OR5H1: variants seen among roughly 807,000 people sequenced by gnomAD.
The protein encoded by OR5H1 is olfactory receptor 5H1.
For missense variants in OR5H1, 378 were observed against 366.8 expected (o/e 1.03, Z -0.25); for synonymous variants, 124 against 134.4 (o/e 0.92, Z 0.54).
Position 98,133,141 on chromosome 3 carries a change from A to T in OR5H1, c.444A>T (p.Ser148=), listed in dbSNP as rs1363359389. The T allele has an allele frequency of 1.9e-6, 3 of 1,613,260 alleles. No homozygotes were observed. The highest frequency in any genetic ancestry group is 1.7e-6 in the Non-Finnish European group (2 of 1,179,700). ...NGLCIRLLIL[S]YVGGILHALI... is the part of the protein sequence containing the mutation. ...TGTGCATCCGGCTATTAATCTTGTC[A>T]TATGTAGGTGGTATTCTTCATGCTT... is the stretch of plus-strand genomic sequence containing the variant. The change falls in exon 2 of 2, where the codon TCA becomes TCT. Residue 148 remains serine, a synonymous_variant. Coordinates refer to ENST00000641874, the MANE Select transcript of OR5H1 (RefSeq NM_001005338.2).
In OR5H1 at chr3:98,136,205, C is replaced by A. The variant is rs1708316194; in HGVS notation, c.*2566C>A. ...TCTTTCAAATGTAATTATAGTAAGA[C>A]TAATTTATTTACCAACTAGATCTAC... On this transcript the variant is annotated 3_prime_UTR_variant, in exon 2 of 2. Coordinates refer to ENST00000641874, the MANE Select transcript of OR5H1 (RefSeq NM_001005338.2). 1 of 151,510 alleles carries A rather than the reference C, an allele frequency of 6.6e-6. No individual in the cohort carries two copies. Among genetic ancestry groups the A allele is most frequent in the Non-Finnish European group, 1.5e-5 (1 of 67,900 alleles). The allele number at this position is 151,510 out of a possible 1,614,324, so 9.4% of individuals were successfully genotyped here. A position where few individuals can be genotyped will look rare whatever the true frequency, so the allele number is the denominator to read the frequency against.
intron 1 of OR5H1, among the ~76,000 whole-genome samples, chr3:98,132,012 AT>A (rs1458043201): frequency 6.6e-6 from 1 of 152,000 alleles, no homozygotes; most frequent in Non-Finnish European, 1.5e-5. Context: ...ATGCATTTGA[AT>A]CCCCCGGAGG....
rs1292699716 is a variant in OR5H1, at chr3:98,135,111, G to A, written c.*1472G>A. ...ATTTAGAGTTTATCTGAGGAGACTC[G>A]ATTTATTTTGCAACACCAGATTGCA... On this transcript the variant is annotated 3_prime_UTR_variant, in exon 2 of 2. Coordinates refer to ENST00000641874, the MANE Select transcript of OR5H1 (RefSeq NM_001005338.2). 1 of 152,068 alleles carries A rather than the reference G, an allele frequency of 6.6e-6. No individual in the cohort carries two copies. The highest frequency in any genetic ancestry group is 1.5e-5 in the Non-Finnish European group (1 of 67,982). 9.4% of individuals were successfully genotyped at this position (152,068 alleles called of 1,614,324 possible). A position where few individuals can be genotyped will look rare whatever the true frequency, so the allele number is the denominator to read the frequency against.
chr3:98,134,097 T>A lies in OR5H1; in HGVS notation c.*458T>A, dbSNP rs528829786. On this transcript the variant is annotated 3_prime_UTR_variant, in exon 2 of 2. Coordinates refer to ENST00000641874, the MANE Select transcript of OR5H1 (RefSeq NM_001005338.2). ...ATCAAGGTCTTCCATTTCATTATATTAGGAAAGGGTGAATTCTGTTTCTTG... is the reference window on the plus strand; with the variant it reads ...ATCAAGGTCTTCCATTTCATTATATAAGGAAAGGGTGAATTCTGTTTCTTG... 394 of 159,022 alleles carry A rather than the reference T, an allele frequency of 2.5e-3. 2 individuals are homozygous for A. The highest frequency in any genetic ancestry group is 9.0e-3 in the African/African-American group (374 of 41,550). 9.9% of individuals were successfully genotyped at this position (159,022 alleles called of 1,614,324 possible).
rs1453782462 is a variant in OR5H1 at position 98,133,698 on chromosome 3, T to C, written c.*59T>C. 2.9e-6 allele frequency: 4 copies of C among 1,389,902 alleles called. No homozygotes were observed. In the South Asian group the frequency reaches 3.7e-5, roughly 13 times the overall value. The allele number at this position is 1,389,902 out of a possible 1,614,324, so 86.1% of individuals were successfully genotyped here. A position where few individuals can be genotyped will look rare whatever the true frequency, so the allele number is the denominator to read the frequency against. The stretch of plus-strand genomic sequence containing the variant: ...ATTATGCAAGTTAGAGGTACCTATG[T>C]TGTTTCCAGTGTTCAAACATTTTTG... On this transcript the variant is annotated 3_prime_UTR_variant, in exon 2 of 2. Transcript: ENST00000641874.
At position 98,133,015 on chromosome 3, in the gene OR5H1, C is replaced by T. The variant is rs1708274506; in HGVS notation, c.318C>T (p.Ile106=). The part of the protein sequence containing the change: ...ECKIQFFSFA[I]SVTTECFLLA... The stretch of plus-strand genomic sequence containing the variant: ...AGATACAGTTTTTTTCGTTTGCAAT[C>T]AGTGTAACCACGGAATGTTTTCTCT... Residue 106 remains isoleucine, a synonymous_variant, in exon 2 of 2, where the codon ATC becomes ATT. Transcript: ENST00000641874. 6.2e-7 allele frequency: 1 copy of T among 1,613,448 alleles called. No individual in the cohort carries two copies. The highest frequency in any genetic ancestry group is 1.3e-5 in the African/African-American group (1 of 74,820).
In OR5H1 at chr3:98,137,676, T is replaced by C. The variant is rs1374969094; in HGVS notation, c.*4037T>C. On this transcript the variant is annotated 3_prime_UTR_variant, in exon 2 of 2. Coordinates refer to ENST00000641874, the MANE Select transcript of OR5H1 (RefSeq NM_001005338.2). ...TAATAAGAAGTCCAAAATAGAGAAG[T>C]GTATGTTCAGCAATTAGTCTTTTAA... The C allele has an allele frequency of 6.6e-6, 1 of 152,146 alleles. No homozygotes were observed. Among genetic ancestry groups the C allele is most frequent in the East Asian group, 1.9e-4 (1 of 5,192 alleles). The allele number at this position is 152,146 out of a possible 1,614,324, so 9.4% of individuals were successfully genotyped here.
chr3:98,132,119 T>C (rs1417798383), intron 1 of OR5H1, among the ~76,000 whole-genome samples: 1 of 152,004 alleles, frequency 6.6e-6, no homozygotes, highest in African/African-American at 2.4e-5. Flanking sequence ...ACTCAGATAA[T>C]TTTTATGTGT....
In OR5H1 at chr3:98,133,878, A is replaced by C; in HGVS notation, c.*239A>C. On this transcript the variant is annotated 3_prime_UTR_variant, in exon 2 of 2. Coordinates refer to ENST00000641874, the MANE Select transcript of OR5H1 (RefSeq NM_001005338.2). ...TAGAAATCAAATAAAACTATTTAAC[A>C]GTTGTATATGTTATTCAATGTGCAT... is the stretch of plus-strand genomic sequence containing the variant. 1 of 411,500 alleles carries C rather than the reference A, an allele frequency of 2.4e-6. No homozygotes were observed. Among genetic ancestry groups the C allele is most frequent in the South Asian group, 3.1e-5 (1 of 32,386 alleles). The allele number at this position is 411,500 out of a possible 1,614,324, so 25.5% of individuals were successfully genotyped here.
In OR5H1 at chr3:98,133,178, G is replaced by T; in HGVS notation, c.481G>T (p.Gly161Ter). Residue 161 changes from glycine to a stop codon, truncating the protein, a stop_gained, in exon 2 of 2, where the codon GGA becomes TGA. Transcript: ENST00000641874. LOFTEE classifies it low-confidence loss of function (END_TRUNC). ...GGILHALIHEGFLFRLTFCNS... is the reference protein window; with the variant it reads ...GGILHALIHE ...TATTCTTCATGCTTTAATCCATGAA[G>T]GATTTTTATTCAGACTAACCTTCTG... is the stretch of plus-strand genomic sequence containing the variant. The T allele has an allele frequency of 1.2e-6, 2 of 1,613,000 alleles. No individual in the cohort carries two copies. Among genetic ancestry groups the T allele is most frequent in the Non-Finnish European group, 1.7e-6 (2 of 1,179,572 alleles).
rs762148086 is a variant in OR5H1 at position 98,132,804 on chromosome 3, T to C, written c.107T>C (p.Leu36Pro). The change falls in exon 2 of 2, where the codon CTC becomes CCC. Residue 36 changes from leucine to proline, a missense_variant. Physicochemically the swap from Leu to Pro is moderately conservative, Grantham distance 98. Transcript: ENST00000641874. The part of the protein sequence containing the change: ...PLFLAFLVIY[L>P]ITIMGNLGLI... ...TTCCTGGCATTCTTGGTAATATATC[T>C]CATCACCATCATGGGGAATCTTGGT... 3 of 1,613,398 alleles carry C rather than the reference T, an allele frequency of 1.9e-6. No homozygotes were observed. The highest frequency in any genetic ancestry group is 2.7e-5 in the African/African-American group (2 of 74,860).
rs1193358642 is a variant in OR5H1 at position 98,137,365 on chromosome 3, A to G, written c.*3726A>G. Reference sequence around the variant, plus strand: ...TTTTCCGCAAATCTGTTGAGATTAGACAGATACTTTGCATACAGGGATGTT... The same window carrying G: ...TTTTCCGCAAATCTGTTGAGATTAGGCAGATACTTTGCATACAGGGATGTT... On this transcript the variant is annotated 3_prime_UTR_variant, in exon 2 of 2. Transcript: ENST00000641874. 2 of 152,200 alleles carry G rather than the reference A, an allele frequency of 1.3e-5. No individual in the cohort carries two copies. The highest frequency in any genetic ancestry group is 2.9e-5 in the Non-Finnish European group (2 of 68,032). The allele number at this position is 152,200 out of a possible 1,614,324, so 9.4% of individuals were successfully genotyped here.
rs999611678 is a variant in OR5H1 at position 98,135,567 on chromosome 3, T to A, written c.*1928T>A. ...GTCTGGTCTCTTACAGAAGTGTTTC[T>A]TTTATGGACACTTCGTTTTTGTTAT... is the stretch of plus-strand genomic sequence containing the variant. On this transcript the variant is annotated 3_prime_UTR_variant, in exon 2 of 2. Transcript: ENST00000641874. The A allele has an allele frequency of 6.6e-6, 1 of 152,168 alleles. No homozygotes were observed. Among genetic ancestry groups the A allele is most frequent in the African/African-American group, 2.4e-5 (1 of 41,442 alleles). The allele number at this position is 152,168 out of a possible 1,614,324, so 9.4% of individuals were successfully genotyped here.
chr3:98,132,462 G>A (rs1471366986), intron 1 of OR5H1, among the ~76,000 whole-genome samples: 1 of 151,996 alleles, frequency 6.6e-6, no homozygotes, highest in Non-Finnish European at 1.5e-5. Flanking sequence ...AATGCCTCTT[G>A]TTTTACCTAA....
rs1241380258 is a variant in OR5H1, at chr3:98,134,325, G to C, written c.*686G>C. 1 of 151,932 alleles carries C rather than the reference G, an allele frequency of 6.6e-6. No homozygotes were observed. The allele number at this position is 151,932 out of a possible 1,614,324, so 9.4% of individuals were successfully genotyped here. A position where few individuals can be genotyped will look rare whatever the true frequency, so the allele number is the denominator to read the frequency against. On this transcript the variant is annotated 3_prime_UTR_variant, in exon 2 of 2. Coordinates refer to ENST00000641874, the MANE Select transcript of OR5H1 (RefSeq NM_001005338.2). Reference sequence around the variant, plus strand: ...TCCCAGCTATGATTATATGATTTTAGACAACCTGGAAGCCTTCCCTAATTC... The same window carrying C: ...TCCCAGCTATGATTATATGATTTTACACAACCTGGAAGCCTTCCCTAATTC...
rs936278704 is a variant in OR5H1 at position 98,133,458 on chromosome 3, C to T, written c.761C>T (p.Pro254Leu). Residue 254 changes from proline to leucine, a missense_variant, in exon 2 of 2, where the codon CCC becomes CTC. Transcript: ENST00000641874. ...HLFSVSLYYG[P>L]LLFIYVGPAS... is the part of the protein sequence containing the mutation. ...TTCTCTGTCTCTTTATACTATGGAC[C>T]CCTTCTCTTCATTTATGTGGGCCCT... 9 of 1,585,568 alleles carry T rather than the reference C, an allele frequency of 5.7e-6. No homozygotes were observed. The highest frequency in any genetic ancestry group is 4.1e-5 in the African/African-American group (3 of 73,602).
Position 98,136,767 on chromosome 3 carries a change from C to CTA in OR5H1, c.*3129_*3130insAT, listed in dbSNP as rs1708322940. 1 of 152,182 alleles carries CTA rather than the reference C, an allele frequency of 6.6e-6. No individual in the cohort carries two copies. The highest frequency in any genetic ancestry group is 1.9e-4 in the East Asian group (1 of 5,186). 9.4% of individuals were successfully genotyped at this position (152,182 alleles called of 1,614,324 possible). On this transcript the variant is annotated 3_prime_UTR_variant, in exon 2 of 2. Coordinates refer to ENST00000641874, the MANE Select transcript of OR5H1 (RefSeq NM_001005338.2). ...AAGAGCCCAGCACTCCACTCTCTCT[C>CTA]TTTCCTTTCCTCTCTCACCACGTGA...
chr3:98,132,803 C>T lies in OR5H1; in HGVS notation c.106C>T (p.Leu36Phe), dbSNP rs774412170. The change falls in exon 2 of 2, where the codon CTC becomes TTC. Residue 36 changes from leucine (L) to phenylalanine (F), a missense_variant. By Grantham distance (22) the Leu-to-Phe change is conservative. Transcript: ENST00000641874. Reference sequence around the variant, plus strand: ...GTTCCTGGCATTCTTGGTAATATATCTCATCACCATCATGGGGAATCTTGG... The same window carrying T: ...GTTCCTGGCATTCTTGGTAATATATTTCATCACCATCATGGGGAATCTTGG... ...PLFLAFLVIY[L>F]ITIMGNLGLI... 1.5e-5 allele frequency: 25 copies of T among 1,613,398 alleles called. No homozygotes were observed. The highest frequency in any genetic ancestry group is 2.0e-5 in the Non-Finnish European group (24 of 1,179,602).
In OR5H1 at chr3:98,133,744, C is replaced by G. The variant is rs1708286797; in HGVS notation, c.*105C>G. ...TTTTGCAAGTACAACTGTTCTAGCACTTTAGTGAGCTAATGTTTTAGTACC... is the reference window on the plus strand; with the variant it reads ...TTTTGCAAGTACAACTGTTCTAGCAGTTTAGTGAGCTAATGTTTTAGTACC... On this transcript the variant is annotated 3_prime_UTR_variant, in exon 2 of 2. Coordinates refer to ENST00000641874, the MANE Select transcript of OR5H1 (RefSeq NM_001005338.2). 6.0e-6 allele frequency: 5 copies of G among 835,044 alleles called. No homozygotes were observed. Among genetic ancestry groups the G allele is most frequent in the Non-Finnish European group, 9.6e-6 (5 of 520,286 alleles). The allele number at this position is 835,044 out of a possible 1,614,324, so 51.7% of individuals were successfully genotyped here. A position where few individuals can be genotyped will look rare whatever the true frequency, so the allele number is the denominator to read the frequency against.
Sources: gnomAD v4.1 joint callset for allele counts (sites outside exome capture counted in the v4.1 genomes callset) on GRCh38, gnomAD v4.1.1 for gene constraint, MANE v1.5 for transcripts, NCBI Gene and HGNC (gene_info 2026-07-23, HGNC 2026-07-21) for gene names.